Variants in SPRED1 observed in about 807,000 individuals in gnomAD.
SPRED1 encodes the protein sprouty-related, EVH1 domain-containing protein 1.
A neutral mutation model predicts 52.3 loss-of-function variants in SPRED1; 18 were observed. The ratio of observed to expected loss-of-function variants is 0.34; its 90% CI spans 0.24 to 0.51. The LOEUF is 0.51. SPRED1 is among the 20% of genes least tolerant of loss of function. The pLI is 0.97. For missense variants in SPRED1, 485 were observed against 551.0 expected (o/e 0.88, Z 1.20); for synonymous variants, 155 against 179.7 (o/e 0.86, Z 1.10).
chr15:38,345,205 T>C (rs1896108297), intron 5 of SPRED1, among the ~76,000 whole-genome samples: 2 of 152,184 alleles, frequency 1.3e-5, no homozygotes, highest in Admixed American at 1.3e-4. Flanking sequence ...GAGATTCAAA[T>C]AATTGAGTTT....
intron 1 of SPRED1, among the ~76,000 whole-genome samples, chr15:38,277,805 A>G (rs150178201): frequency 2.6e-5 from 4 of 152,000 alleles, no homozygotes; most frequent in South Asian, 2.1e-4. Flanking sequence ...AAGAATAGCT[A>G]TTCTGCTGGT....
At chr15:38,331,759 C>T (rs1257306121) in intron 4 of SPRED1, among the ~76,000 whole-genome samples, 1 of 151,904 alleles carries the variant, frequency 6.6e-6, no homozygotes, top group African/African-American at 2.4e-5. Flanking sequence ...GGAAATGTAT[C>T]CTCTGTCTTA....
chr15:38,318,346 G>A (rs757726731), intron 2 of SPRED1, among the ~76,000 whole-genome samples: 8 of 152,160 alleles, frequency 5.3e-5, no homozygotes, highest in East Asian at 3.9e-4. Context: ...TGACTTTTAC[G>A]TGGAACACAT....
chr15:38,339,708 A>G (rs770630398), intron 4 of SPRED1, 29 bp from the exon 5 acceptor site: 4 of 1,610,546 alleles, frequency 2.5e-6, no homozygotes, highest in Middle Eastern at 1.7e-4. Flanking sequence ...TATTCTGGCA[A>G]CTAATGCATT....
chr15:38,268,140 A>C (rs1485556855), intron 1 of SPRED1: 1 of 152,266 alleles, frequency 6.6e-6, no homozygotes, highest in Admixed American at 6.5e-5. Context: ...CTGAAAAAGC[A>C]ATGATGTAAT....
chr15:38,253,717 C>T (rs1013571192), intron 1 of SPRED1, among the ~76,000 whole-genome samples: 1 of 152,132 alleles, frequency 6.6e-6, no homozygotes, highest in Non-Finnish European at 1.5e-5. Context: ...CCCCCTCCCC[C>T]TTTTAAACTT....
intron 2 of SPRED1, among the ~76,000 whole-genome samples, chr15:38,312,432 T>G (rs551043598): frequency 2.0e-5 from 3 of 152,234 alleles, no homozygotes; most frequent in South Asian, 2.1e-4. Flanking sequence ...TATTTTTTAG[T>G]GTGCCTACCA....
chr15:38,304,788 C>T (rs1199643718), intron 2 of SPRED1, among the ~76,000 whole-genome samples: 1 of 152,074 alleles, frequency 6.6e-6, no homozygotes, highest in African/African-American at 2.4e-5. Context: ...TTTTATTCCC[C>T]TCCTACTGCT....
chr15:38,281,961 A>T (rs1243671349), intron 1 of SPRED1, among the ~76,000 whole-genome samples: 1 of 152,104 alleles, frequency 6.6e-6, no homozygotes, highest in Non-Finnish European at 1.5e-5. Flanking sequence ...GGTAAAGCCG[A>T]TTTTATTGCT....
intron 1 of SPRED1, among the ~76,000 whole-genome samples, chr15:38,255,172 C>T (rs1894068285): frequency 1.3e-5 from 2 of 152,090 alleles, no homozygotes; most frequent in African/African-American, 2.4e-5. Flanking sequence ...ATAGTGCGTT[C>T]CACTGCTATT....
rs1566878741 is a variant in SPRED1, at chr15:38,355,666, CAT to C, written c.*4003_*4004del. On this transcript the variant is annotated 3_prime_UTR_variant, in exon 7 of 7. Transcript: ENST00000299084. ...CCAAAGGTGCATTAAGCAAGTGTAA[CAT>C]TTTTTCCACATAAAACTTAGAAAAC... 6.6e-6 allele frequency: 1 copy of C among 152,160 alleles called. No individual in the cohort carries two copies. The highest frequency in any genetic ancestry group is 1.9e-4 in the East Asian group (1 of 5,196). The allele number at this position is 152,160 out of a possible 1,614,324, so 9.4% of individuals were successfully genotyped here.
At position 38,353,475 on chromosome 15, in the gene SPRED1, T is replaced by C. The variant is rs995834488; in HGVS notation, c.*1811T>C. Reference sequence around the variant, plus strand: ...ACTATAGATGTTATGAAGAAGAGGGTATTTCTAGTTTTGTACTAAAAATCA... The same window carrying C: ...ACTATAGATGTTATGAAGAAGAGGGCATTTCTAGTTTTGTACTAAAAATCA... On this transcript the variant is annotated 3_prime_UTR_variant, in exon 7 of 7. Coordinates refer to ENST00000299084, the MANE Select transcript of SPRED1 (RefSeq NM_152594.3). The C allele has an allele frequency of 2.6e-5, 4 of 152,506 alleles. No individual in the cohort carries two copies. Among genetic ancestry groups the C allele is most frequent in the Non-Finnish European group, 5.9e-5 (4 of 67,942 alleles). The allele number at this position is 152,506 out of a possible 1,614,324, so 9.4% of individuals were successfully genotyped here. A position where few individuals can be genotyped will look rare whatever the true frequency, so the allele number is the denominator to read the frequency against.
intron 1 of SPRED1, among the ~76,000 whole-genome samples, chr15:38,268,971 C>T (rs566477951): frequency 5.3e-5 from 8 of 150,034 alleles, no homozygotes; most frequent in African/African-American, 1.2e-4. Context: ...GACAGAGTCC[C>T]GCTCCGTCGC....
chr15:38,312,985 C>G (rs1184625263), intron 2 of SPRED1, among the ~76,000 whole-genome samples: 1 of 151,730 alleles, frequency 6.6e-6, no homozygotes, highest in Non-Finnish European at 1.5e-5. Flanking sequence ...TAACATTTGC[C>G]ACATTGAATG....
In SPRED1 at chr15:38,322,408, A is replaced by G; in HGVS notation, c.375A>G (p.Gln125=). Reference sequence around the variant, plus strand: ...GAAGAGCTATAGAGGATATTTCTCAAGGTAGGTATTCTTGACTATTTTCTT... The same window carrying G: ...GAAGAGCTATAGAGGATATTTCTCAGGGTAGGTATTCTTGACTATTTTCTT... The part of the protein sequence containing the change: ...GIRRAIEDIS[Q]GCPESKNEAE... The change falls in exon 3 of 7, where the codon CAA becomes CAG. Residue 125 remains glutamine, a splice_region_variant and synonymous_variant. Coordinates refer to ENST00000299084, the MANE Select transcript of SPRED1 (RefSeq NM_152594.3). 1 of 1,613,418 alleles carries G rather than the reference A, an allele frequency of 6.2e-7. No homozygotes were observed. Among genetic ancestry groups the G allele is most frequent in the Non-Finnish European group, 8.5e-7 (1 of 1,179,534 alleles).
intron 2 of SPRED1, among the ~76,000 whole-genome samples, chr15:38,306,485 A>G (rs1396722891): frequency 6.6e-6 from 1 of 152,210 alleles, no homozygotes; most frequent in African/African-American, 2.4e-5. Flanking sequence ...GATAAATGAT[A>G]ATAATAACCA....
Position 38,284,856 on chromosome 15 carries a change from ATTT to A in SPRED1, c.33-14504_33-14502del, listed in dbSNP as rs75465161. 5.2e-3 allele frequency among the ~76,000 whole-genome samples: 769 copies of A among 147,366 alleles called. 3 individuals are homozygous for A. Among genetic ancestry groups the A allele is most frequent in the African/African-American group, 0.014 (578 of 40,022 alleles). On this transcript the variant is annotated intron_variant, in intron 1 of 6. Transcript: ENST00000299084. Reference sequence around the variant, plus strand: ...TGCATAAGGGGTTACTTCATCTGGGATTTTTTTTTTTTTTTAAACCTATTTGTG... The same window carrying A: ...TGCATAAGGGGTTACTTCATCTGGGATTTTTTTTTTTTAAACCTATTTGTG...
intron 1 of SPRED1, among the ~76,000 whole-genome samples, chr15:38,281,559 A>ATTTTTTTTTTTTT (rs542005244): frequency 2.0e-5 from 2 of 100,742 alleles, no homozygotes; most frequent in Non-Finnish European, 3.7e-5. Flanking sequence ...TGCCCATCTA[A>ATTTTTTTTTTTTT]TTTTTTTTTT....
At chr15:38,346,431 A>G (rs1420420059) in intron 5 of SPRED1, among the ~76,000 whole-genome samples, 4 of 152,326 alleles carry the variant, frequency 2.6e-5, no homozygotes, top group Middle Eastern at 3.4e-3. Flanking sequence ...ATTTCCCTGT[A>G]GACAAATATG....
Sources: allele counts gnomAD v4.1 joint callset (sites outside exome capture counted in the v4.1 genomes callset), GRCh38; gene constraint gnomAD v4.1.1; transcripts MANE v1.5; gene names NCBI Gene and HGNC (gene_info 2026-07-23, HGNC 2026-07-21).